The following SPTAN1 variants were observed in gnomAD, a reference collection of about 807,000 sequenced individuals.
The protein encoded by SPTAN1 is spectrin alpha chain, non-erythrocytic 1.
In SPTAN1, 61 loss-of-function variants were observed where a neutral mutation model predicts 331.3. The observed-to-expected ratio is 0.18, with a 90% CI of 0.15 to 0.23. The LOEUF (loss-of-function observed/expected upper bound fraction) is 0.23. Ranked by LOEUF, SPTAN1 falls within the 10% of genes least tolerant of loss-of-function variation. The pLI, the probability that SPTAN1 is intolerant of heterozygous loss-of-function variation, is 1.00. For synonymous variants in SPTAN1, 1,153 were observed against 1,173.9 expected (o/e 0.98, Z 0.36); for missense variants, 2,043 against 3,147.9 (o/e 0.65, Z 8.40).
intron 19 of SPTAN1, among the ~76,000 whole-genome samples, chr9:128,586,933 T>C (rs1296202469): frequency 6.6e-6 from 1 of 152,210 alleles, no homozygotes; most frequent in South Asian, 2.1e-4. Flanking sequence ...TTCTTCTGCC[T>C]TGGCCTCCTA....
rs1057522078 is a variant in SPTAN1 at position 128,575,181 on chromosome 9, C to T, written c.505-18C>T. ...AATGTTGGTTGGTGACTCTGGCTCT[C>T]TTATGGTCCCTGAATAGGAAGCAAT... On this transcript the variant is annotated intron_variant, in intron 4 of 56. Coordinates refer to ENST00000372739, the MANE Select transcript of SPTAN1 (RefSeq NM_001130438.3). The T allele has an allele frequency of 1.2e-5, 19 of 1,614,030 alleles. No individual in the cohort carries two copies. Among genetic ancestry groups the T allele is most frequent in the Non-Finnish European group, 1.5e-5 (18 of 1,180,032 alleles).
intron 26 of SPTAN1, 76 bp from the exon 27 acceptor site, chr9:128,600,004 T>C: frequency 1.4e-6 from 2 of 1,468,934 alleles, no homozygotes; most frequent in Non-Finnish European, 1.9e-6. Flanking sequence ...GAAACTAGAG[T>C]CATTCGCTGG....
chr9:128,581,474 C>CAAAAAAAAAAAAAA (rs11429372), intron 11 of SPTAN1, among the ~76,000 whole-genome samples: 1 of 133,596 alleles, frequency 7.5e-6, no homozygotes, highest in Non-Finnish European at 1.6e-5. Context: ...TCCTGTCTCA[C>CAAAAAAAAAAAAAA]AAAAAAAAAA....
At chr9:128,624,272 G>A (rs1858395970) in intron 45 of SPTAN1, 56 bp from the exon 46 acceptor site, 2 of 1,610,268 alleles carry the variant, frequency 1.2e-6, no homozygotes, top group Middle Eastern at 1.7e-4. Flanking sequence ...GGAGGGCATA[G>A]TCAGGTAACC....
intron 23 of SPTAN1, chr9:128,593,505 G>A (rs942436952): frequency 4.9e-6 from 1 of 205,554 alleles, no homozygotes; most frequent in Non-Finnish European, 1.0e-5. Flanking sequence ...TTGTTTTCGT[G>A]TTCAAAGATA....
intron 21 of SPTAN1, among the ~76,000 whole-genome samples, chr9:128,590,410 A>G (rs1162751063): frequency 6.6e-6 from 1 of 152,122 alleles, no homozygotes. Flanking sequence ...TAATTAAATT[A>G]TAACTCGATG....
intron 45 of SPTAN1, among the ~76,000 whole-genome samples, chr9:128,623,449 T>A (rs1858214085): frequency 6.6e-6 from 1 of 151,260 alleles, no homozygotes; most frequent in African/African-American, 2.4e-5. Flanking sequence ...AACTTCAAAT[T>A]TCAGCCCATT....
chr9:128,617,577 T>C, intron 41 of SPTAN1, 63 bp from the exon 42 acceptor site: 2 of 1,610,496 alleles, frequency 1.2e-6, no homozygotes, highest in Non-Finnish European at 8.5e-7. Flanking sequence ...GTTGACCTGA[T>C]GTCCCCACTT....
intron 9 of SPTAN1, among the ~76,000 whole-genome samples, chr9:128,578,744 G>T (rs1851595484): frequency 6.6e-6 from 1 of 150,718 alleles, no homozygotes. Context: ...CAGGAGAATC[G>T]CTTGAACCCG....
intron 51 of SPTAN1, 106 bp from the exon 52 acceptor site, chr9:128,630,215 A>G: frequency 7.9e-7 from 1 of 1,261,728 alleles, no homozygotes; most frequent in Non-Finnish European, 1.2e-6. Context: ...GTTTCCTTAA[A>G]AGGAATGTGA....
At chr9:128,604,804 G>C (rs1206676711) in intron 29 of SPTAN1, among the ~76,000 whole-genome samples, 1 of 152,086 alleles carries the variant, frequency 6.6e-6, no homozygotes, top group Non-Finnish European at 1.5e-5. Context: ...GGTGGTGGGC[G>C]CCTGTAATCC....
In SPTAN1 at chr9:128,627,998, G is replaced by A; in HGVS notation, c.6707+56G>A. ...TGTCATGTGGGGGTCTCGTGCGCTTGCCCCTCGTGGCCTGGCTTGTGGAGG... is the reference window on the plus strand; with the variant it reads ...TGTCATGTGGGGGTCTCGTGCGCTTACCCCTCGTGGCCTGGCTTGTGGAGG... On this transcript the variant is annotated intron_variant, in intron 51 of 56. Coordinates refer to ENST00000372739, the MANE Select transcript of SPTAN1 (RefSeq NM_001130438.3). The surrounding 1 kb of genome is among the most constrained non-coding windows in gnomAD (Gnocchi z 4.9). 6.2e-7 allele frequency: 1 copy of A among 1,609,620 alleles called. No individual in the cohort carries two copies. Among genetic ancestry groups the A allele is most frequent in the Non-Finnish European group, 8.5e-7 (1 of 1,175,968 alleles).
rs1426252182 is a variant in SPTAN1, at chr9:128,588,584, T to G, written c.2872-225T>G. Reference sequence around the variant, plus strand: ...CCTCAGCCTCCCAAAGTGCTGAGATTACACGTATGAGCCACCGTGCCCAGA... The same window carrying G: ...CCTCAGCCTCCCAAAGTGCTGAGATGACACGTATGAGCCACCGTGCCCAGA... On this transcript the variant is annotated intron_variant, in intron 20 of 56. Coordinates refer to ENST00000372739, the MANE Select transcript of SPTAN1 (RefSeq NM_001130438.3). Among the ~76,000 whole-genome samples the G allele has an allele frequency of 4.6e-5, 7 of 152,134 alleles. No homozygotes were observed. In the South Asian group the frequency reaches 1.2e-3, roughly 27 times the overall value.
intron 24 of SPTAN1, among the ~76,000 whole-genome samples, chr9:128,597,652 T>TTTTTG (rs1854489684): frequency 6.6e-6 from 1 of 152,140 alleles, no homozygotes; most frequent in Non-Finnish European, 1.5e-5. Flanking sequence ...TTTTGTTTTG[T>TTTTTG]TTTTGTTTTG....
chr9:128,560,899 C>G (rs1221405851), intron 1 of SPTAN1, among the ~76,000 whole-genome samples: 1 of 151,002 alleles, frequency 6.6e-6, no homozygotes, highest in Non-Finnish European at 1.5e-5. Flanking sequence ...GCCTGTAATC[C>G]CAGCTACTGG....
At chr9:128,590,507 C>A (rs1450680530) in intron 21 of SPTAN1, among the ~76,000 whole-genome samples, 2 of 139,346 alleles carry the variant, frequency 1.4e-5, no homozygotes, top group African/African-American at 5.3e-5. Flanking sequence ...AGTTCGAGAC[C>A]AACCTGGGGC....
At chr9:128,624,525 G>C (rs781122568) in intron 46 of SPTAN1, 38 bp downstream of exon 46, 1 of 1,609,672 alleles carries the variant, frequency 6.2e-7, no homozygotes, top group Non-Finnish European at 8.5e-7. Context: ...AGCCTTCCCA[G>C]AGCTGCTCTT....
chr9:128,605,263 A>C (rs1217805078), intron 30 of SPTAN1, 33 bp from the exon 31 acceptor site: 3 of 1,614,014 alleles, frequency 1.9e-6, no homozygotes, highest in South Asian at 1.1e-5. Context: ...ATACCCCCTT[A>C]CTGCAAGCTC....
intron 2 of SPTAN1, among the ~76,000 whole-genome samples, chr9:128,567,803 C>T (rs957068964): frequency 1.1e-4 from 16 of 151,710 alleles, no homozygotes; most frequent in Non-Finnish European, 2.1e-4. Flanking sequence ...TCTTATTGCC[C>T]AAGTTGGAGT....
Sources: gnomAD v4.1 joint callset for allele counts (sites outside exome capture counted in the v4.1 genomes callset) on GRCh38, gnomAD v4.1.1 for gene constraint, Gnocchi (gnomAD v3.1) non-coding constraint, MANE v1.5 for transcripts, NCBI Gene and HGNC (gene_info 2026-07-23, HGNC 2026-07-21) for gene names.